The following OPRD1 variants were observed in gnomAD, a reference collection of about 807,000 sequenced individuals.
OPRD1 encodes delta-type opioid receptor.
A neutral mutation model predicts 17.5 loss-of-function variants in OPRD1; 19 were observed. That is an observed-to-expected ratio of 1.09 (90% CI 0.76 to 1.60). OPRD1 has a LOEUF of 1.60. Ranked by LOEUF, OPRD1 falls within the 40% of genes most tolerant of loss-of-function variation. The pLI, the probability that OPRD1 is intolerant of heterozygous loss-of-function variation, is 0.00. For missense variants in OPRD1, 483 were observed against 547.2 expected, an observed-to-expected ratio of 0.88 and a Z score of 1.17; for synonymous variants, 256 against 240.9, an observed-to-expected ratio of 1.06 and a Z score of -0.58.
At chr1:28,860,316 G>C (rs1014464585) in intron 2 of OPRD1, among the ~76,000 whole-genome samples, 17 of 150,928 alleles carry the variant, frequency 1.1e-4, no homozygotes, top group Non-Finnish European at 1.9e-4. Context: ...AGTGAGCTGA[G>C]ATCATGCCAC....
In OPRD1 at chr1:28,848,566, C is replaced by T. The variant is rs543350148; in HGVS notation, c.228-10388C>T. Among the ~76,000 whole-genome samples the T allele has an allele frequency of 2.2e-3, 329 of 152,334 alleles. 1 individual carries two copies. The highest frequency in any genetic ancestry group is 7.4e-3 in the African/African-American group (308 of 41,588). On this transcript the variant is annotated intron_variant, in intron 1 of 2. Coordinates refer to ENST00000234961, the MANE Select transcript of OPRD1 (RefSeq NM_000911.4). ...AGATTTCAAGAGGCCAGACTGTCGC[C>T]ATTACTCCTAGATCACTTATTCAGT... is the stretch of plus-strand genomic sequence containing the variant.
At chr1:28,853,308 T>C (rs2089024252) in intron 1 of OPRD1, among the ~76,000 whole-genome samples, 1 of 152,222 alleles carries the variant, frequency 6.6e-6, no homozygotes, top group Non-Finnish European at 1.5e-5. Flanking sequence ...TGCAGCTGCC[T>C]CTTCTCCCTC....
rs1025726850 is a variant in OPRD1, at chr1:28,812,365, G to T, written c.-19G>T. 1.7e-5 allele frequency: 23 copies of T among 1,365,626 alleles called. No homozygotes were observed. In the African/African-American group the frequency reaches 3.4e-4, roughly 20 times the overall value. The allele number at this position is 1,365,626 out of a possible 1,614,324, so 84.6% of individuals were successfully genotyped here. On this transcript the variant is annotated 5_prime_UTR_variant, in exon 1 of 3. Coordinates refer to ENST00000234961, the MANE Select transcript of OPRD1 (RefSeq NM_000911.4). ...AGGGCGCACGGTGGAGAGGGACGCG[G>T]CGGAGCCGGCCGGCAGCCATGGAAC...
At position 28,816,414 on chromosome 1, in the gene OPRD1, C is replaced by G. The variant is rs74065109; in HGVS notation, c.227+3804C>G. On this transcript the variant is annotated intron_variant, in intron 1 of 2. Coordinates refer to ENST00000234961, the MANE Select transcript of OPRD1 (RefSeq NM_000911.4). Reference sequence around the variant, plus strand: ...TCAAAAGCTGAGGGAGGAGCTGTGGCTGGGAAGCAGGATGCTGATGAGGGC... The same window carrying G: ...TCAAAAGCTGAGGGAGGAGCTGTGGGTGGGAAGCAGGATGCTGATGAGGGC... Among the ~76,000 whole-genome samples the G allele has an allele frequency of 3.1e-3, 479 of 152,190 alleles. 3 individuals carry two copies. Among genetic ancestry groups the G allele is most frequent in the African/African-American group, 0.011 (461 of 41,532 alleles).
At position 28,830,252 on chromosome 1, in the gene OPRD1, G is replaced by A. The variant is rs116935141; in HGVS notation, c.227+17642G>A. On this transcript the variant is annotated intron_variant, in intron 1 of 2. Coordinates refer to ENST00000234961, the MANE Select transcript of OPRD1 (RefSeq NM_000911.4). ...TCCAAGATCACTGATGGCCAGGCAC[G>A]GTGGTCATGCCTGTAATCCCAGCAC... 2.1e-3 allele frequency among the ~76,000 whole-genome samples: 323 copies of A among 152,186 alleles called. 12 individuals are homozygous for A. The East Asian group carries it at 0.05, about 23-fold the overall frequency.
chr1:28,847,526 G>A (rs1213630601), intron 1 of OPRD1, among the ~76,000 whole-genome samples: 1 of 152,142 alleles, frequency 6.6e-6, no homozygotes, highest in African/African-American at 2.4e-5. Context: ...AGTCTCTGTG[G>A]ACATGGATAC....
chr1:28,859,172 C>T lies in OPRD1; in HGVS notation c.446C>T (p.Ala149Val). 1 of 1,614,270 alleles carries T rather than the reference C, an allele frequency of 6.2e-7. No individual in the cohort carries two copies. The highest frequency in any genetic ancestry group is 1.1e-5 in the South Asian group (1 of 91,092). The part of the protein sequence containing the change: ...LTMMSVDRYI[A>V]VCHPVKALDF... Reference sequence around the variant, plus strand: ...ATGATGAGTGTTGACCGCTACATCGCTGTCTGCCACCCTGTCAAGGCCCTG... The same window carrying T: ...ATGATGAGTGTTGACCGCTACATCGTTGTCTGCCACCCTGTCAAGGCCCTG... Residue 149 changes from alanine (A) to valine (V), a missense_variant, in exon 2 of 3, where the codon GCT becomes GTT. Ala to Val is a moderately conservative substitution (Grantham distance 64). Transcript: ENST00000234961.
At chr1:28,826,380 C>T (rs1406316692) in intron 1 of OPRD1, among the ~76,000 whole-genome samples, 4 of 151,770 alleles carry the variant, frequency 2.6e-5, no homozygotes, top group Non-Finnish European at 4.4e-5. Flanking sequence ...AAAAATTAGC[C>T]GGGTGTGGTG....
At chr1:28,859,620 G>A (rs1456222343) in intron 2 of OPRD1, among the ~76,000 whole-genome samples, 1 of 152,172 alleles carries the variant, frequency 6.6e-6, no homozygotes, top group Non-Finnish European at 1.5e-5. Context: ...ATGGATGGCT[G>A]GTTATGTACA....
At chr1:28,835,626 C>G (rs2088845522) in intron 1 of OPRD1, among the ~76,000 whole-genome samples, 2 of 152,240 alleles carry the variant, frequency 1.3e-5, no homozygotes, top group South Asian at 4.1e-4. Context: ...GGAGCCCCAG[C>G]TGGACCCCGG....
At chr1:28,812,899 C>T (rs1033237157) in intron 1 of OPRD1, among the ~76,000 whole-genome samples, 2 of 152,100 alleles carry the variant, frequency 1.3e-5, no homozygotes, top group Non-Finnish European at 2.9e-5. Context: ...GACAGTTTGG[C>T]GTCAGTTTGT....
chr1:28,827,743 T>C (rs482692), intron 1 of OPRD1, among the ~76,000 whole-genome samples: 132,293 of 150,994 alleles, frequency 0.88, 57,736 homozygotes, highest in East Asian at 1. Flanking sequence ...CTTTTCCCCC[T>C]GCTCAGAGAC....
intron 1 of OPRD1, among the ~76,000 whole-genome samples, chr1:28,838,312 G>A (rs2088869910): frequency 6.6e-6 from 1 of 152,178 alleles, no homozygotes. Flanking sequence ...TTTAGCCTCA[G>A]CCACCTTGAA....
At chr1:28,832,771 A>C (rs1458799109) in intron 1 of OPRD1, among the ~76,000 whole-genome samples, 1 of 152,134 alleles carries the variant, frequency 6.6e-6, no homozygotes, top group Non-Finnish European at 1.5e-5. Context: ...ACAAAATGGG[A>C]ATATACTGAG....
At chr1:28,822,166 G>T (rs2088720025) in intron 1 of OPRD1, among the ~76,000 whole-genome samples, 1 of 151,842 alleles carries the variant, frequency 6.6e-6, no homozygotes, top group African/African-American at 2.4e-5. Flanking sequence ...GGTCATGCTG[G>T]TCTCTACCTC....
intron 1 of OPRD1, among the ~76,000 whole-genome samples, chr1:28,827,889 T>C (rs1027556259): frequency 2.0e-5 from 3 of 152,170 alleles, no homozygotes; most frequent in Admixed American, 6.6e-5. Context: ...CATGTCTGGC[T>C]AATTTATTTA....
intron 1 of OPRD1, among the ~76,000 whole-genome samples, chr1:28,849,499 C>G (rs1569640365): frequency 6.6e-6 from 1 of 152,184 alleles, no homozygotes; most frequent in Non-Finnish European, 1.5e-5. Context: ...CACATACACA[C>G]ACACACATGC....
Position 28,863,231 on chromosome 1 carries a change from G to T in OPRD1, c.1067G>T (p.Arg356Leu). ...GCCCGCGAAGCCACGGCCCGCGAGC[G>T]TGTCACCGCCTGCACCCCGTCCGAT... ...SRAREATARERVTACTPSDGP... is the reference protein window; with the variant it reads ...SRAREATARELVTACTPSDGP... The change falls in exon 3 of 3, where the codon CGT becomes CTT. Residue 356 changes from arginine (R) to leucine (L), a missense_variant. Transcript: ENST00000234961. 1 of 1,563,972 alleles carries T rather than the reference G, an allele frequency of 6.4e-7. No homozygotes were observed. The highest frequency in any genetic ancestry group is 8.6e-7 in the Non-Finnish European group (1 of 1,162,782).
intron 1 of OPRD1, among the ~76,000 whole-genome samples, chr1:28,816,644 G>A (rs2088672857): frequency 6.6e-6 from 1 of 152,142 alleles, no homozygotes; most frequent in Non-Finnish European, 1.5e-5. Flanking sequence ...GCGTGAGCAG[G>A]ACTTCTGTGG....
Sources: gnomAD v4.1 joint callset for allele counts (sites outside exome capture counted in the v4.1 genomes callset) on GRCh38, gnomAD v4.1.1 for gene constraint, MANE v1.5 for transcripts, NCBI Gene and HGNC (gene_info 2026-07-23, HGNC 2026-07-21) for gene names.